Variants in DNHD1 observed in about 807,000 individuals in gnomAD.
DNHD1 encodes the protein dynein heavy chain domain 1, also known as dynein heavy chain domain-containing protein 1.
In DNHD1, 383 loss-of-function variants were observed where a neutral mutation model predicts 458.1. The ratio of observed to expected loss-of-function variants is 0.84; its 90% CI spans 0.77 to 0.91. The LOEUF (loss-of-function observed/expected upper bound fraction) is 0.91, where lower values mean the gene tolerates loss of function less well. DNHD1 is among the 40% of genes least tolerant of loss of function. The pLI, the probability that DNHD1 is intolerant of heterozygous loss-of-function variation, is 0.00. For missense variants in DNHD1, 5,336 were observed against 5,866.1 expected, an observed-to-expected ratio of 0.91 and a Z score of 2.95; for synonymous variants, 2,203 against 2,376.9, an observed-to-expected ratio of 0.93 and a Z score of 2.13.
At chr11:6,540,230 A>C (rs1292807340) in intron 18 of DNHD1, 147 bp downstream of exon 18, 4 of 689,326 alleles carry the variant, frequency 5.8e-6, no homozygotes, top group Non-Finnish European at 4.8e-6. Context: ...GTTCTGAGAC[A>C]GTGTCTTCCA....
intron 29 of DNHD1, 101 bp downstream of exon 29, chr11:6,563,232 A>C: frequency 6.5e-7 from 1 of 1,533,504 alleles, no homozygotes. Flanking sequence ...TCATCATGGA[A>C]TCTCCTGGGG....
intron 4 of DNHD1, among the ~76,000 whole-genome samples, chr11:6,507,764 A>G (rs59547189): frequency 0.075 from 11,386 of 152,252 alleles, 1,002 homozygotes; most frequent in African/African-American, 0.21. Flanking sequence ...TAAATCCTGT[A>G]TTCTTCCCTT....
At position 6,570,301 on chromosome 11, in the gene DNHD1, T is replaced by G; in HGVS notation, c.13010T>G (p.Ile4337Ser). ...LGDTEDREAL[I>S]SLTQACLSPS... ...GACACTGAGGACAGGGAGGCCCTGA[T>G]TAGCCTCACACAAGCCTGCCTGAGC... Residue 4337 changes from isoleucine to serine, a missense_variant, in exon 41 of 43, where the codon ATT (isoleucine) becomes AGT (serine). Ile to Ser is a moderately radical substitution (Grantham distance 142, BLOSUM62 -2). Transcript: ENST00000254579. 2 of 1,613,648 alleles carry G rather than the reference T, an allele frequency of 1.2e-6. No homozygotes were observed. The highest frequency in any genetic ancestry group is 1.1e-5 in the South Asian group (1 of 91,038).
Position 6,547,945 on chromosome 11 carries a change from T to A in DNHD1, c.6810T>A (p.Ser2270Arg). The A allele has an allele frequency of 3.9e-6, 6 of 1,551,880 alleles. No homozygotes were observed. Among genetic ancestry groups the A allele is most frequent in the Non-Finnish European group, 5.2e-6 (6 of 1,147,036 alleles). ...SSFLNRSQVD[S>R]DDVPDKCREH... ...TTCTAAACCGGTCCCAGGTTGACAG[T>A]GACGATGTGCCAGATAAGTGCAGGG... Residue 2270 changes from serine to arginine, a missense_variant, in exon 22 of 43, where the codon AGT becomes AGA. Ser to Arg is a moderately radical substitution (Grantham distance 110). Around this residue, in one of 4 missense-constraint regions of DNHD1, gnomAD observed 3,932 missense variants for 4,365.6 expected, o/e 0.90. Coordinates refer to ENST00000254579, the MANE Select transcript of DNHD1 (RefSeq NM_144666.3).
chr11:6,506,730 C>T (rs1166917206), intron 4 of DNHD1, among the ~76,000 whole-genome samples: 1 of 152,170 alleles, frequency 6.6e-6, no homozygotes, highest in Non-Finnish European at 1.5e-5. Context: ...TCCTTCTCCC[C>T]TGGCACCGCC....
At chr11:6,510,655 C>T (rs1248307689) in intron 6 of DNHD1, among the ~76,000 whole-genome samples, 1 of 152,154 alleles carries the variant, frequency 6.6e-6, no homozygotes, top group Non-Finnish European at 1.5e-5. Flanking sequence ...AGATTTAATT[C>T]TGTAATGAGA....
At chr11:6,500,981 T>C (rs1852121618) in intron 3 of DNHD1, among the ~76,000 whole-genome samples, 1 of 149,734 alleles carries the variant, frequency 6.7e-6, no homozygotes, top group Non-Finnish European at 1.5e-5. Context: ...GGAGTGTAGT[T>C]AGGGGGAAAG....
At chr11:6,567,924 C>T in intron 36 of DNHD1, 64 bp downstream of exon 36, 1 of 1,493,716 alleles carries the variant, frequency 6.7e-7, no homozygotes, top group Non-Finnish European at 8.9e-7. Context: ...ATGGGGGACC[C>T]CCTCCAAGCA....
At chr11:6,524,310 A>T (rs1284819095) in intron 10 of DNHD1, among the ~76,000 whole-genome samples, 1 of 152,190 alleles carries the variant, frequency 6.6e-6, no homozygotes, top group Non-Finnish European at 1.5e-5. Context: ...TGAAAGTAGA[A>T]TATCAGGAAG....
At position 6,566,959 on chromosome 11, in the gene DNHD1, G is replaced by A. The variant is rs370710063; in HGVS notation, c.11450G>A (p.Arg3817Gln). Residue 3817 changes from arginine to glutamine, a missense_variant, in exon 36 of 43, where the codon CGG becomes CAG. This residue lies in a region of DNHD1 where 695 missense variants were observed against 804.2 expected (regional missense o/e 0.86). Coordinates refer to ENST00000254579, the MANE Select transcript of DNHD1 (RefSeq NM_144666.3). The stretch of plus-strand genomic sequence containing the variant: ...CGTCAGAAGCCAGCCAAGTTTCTGC[G>A]GAACATAGTGAGGGCCCAAGGAAAG... Reference protein sequence around the residue: ...PKRQKPAKFLRNIVRAQGKLC... With the variant: ...PKRQKPAKFLQNIVRAQGKLC... 2.4e-5 allele frequency: 39 copies of A among 1,613,820 alleles called. No homozygotes were observed. Among genetic ancestry groups the A allele is most frequent in the African/African-American group, 1.6e-4 (12 of 74,920 alleles).
In DNHD1 at chr11:6,501,320, TAGAG is replaced by T. The variant is rs941599825; in HGVS notation, c.747-1429_747-1426del. Among the ~76,000 whole-genome samples, 22 of 148,658 alleles carry T rather than the reference TAGAG, an allele frequency of 1.5e-4. 1 individual carries two copies. Among genetic ancestry groups the T allele is most frequent in the East Asian group, 7.9e-4 (4 of 5,076 alleles). On this transcript the variant is annotated intron_variant, in intron 3 of 42. Coordinates refer to ENST00000254579, the MANE Select transcript of DNHD1 (RefSeq NM_144666.3). Reference sequence around the variant, plus strand: ...GTAGGGATTTTTTTTTTTTTTTTGATAGAGAGATGTTTATATCCCTTAACACAGT... The same window carrying T: ...GTAGGGATTTTTTTTTTTTTTTTGATAGATGTTTATATCCCTTAACACAGT...
At chr11:6,502,458 C>T (rs1329792162) in intron 3 of DNHD1, among the ~76,000 whole-genome samples, 1 of 152,200 alleles carries the variant, frequency 6.6e-6, no homozygotes, top group Non-Finnish European at 1.5e-5. Flanking sequence ...GTAATACTGA[C>T]TTCATGGTAA....
intron 7 of DNHD1, among the ~76,000 whole-genome samples, chr11:6,518,716 G>A (rs1374584856): frequency 1.3e-5 from 2 of 152,308 alleles, no homozygotes; most frequent in African/African-American, 4.8e-5. Flanking sequence ...GTATTAGGGA[G>A]TATTGTTAGA....
At chr11:6,498,987 T>C (rs759660506) in intron 3 of DNHD1, 26 bp downstream of exon 3, 1 of 1,548,398 alleles carries the variant, frequency 6.5e-7, no homozygotes, top group South Asian at 1.3e-5. Context: ...AGTCTAGGGC[T>C]TGAGCAGAGG....
chr11:6,564,236 C>G (rs1275746001), intron 31 of DNHD1, 97 bp from the exon 32 acceptor site: 4 of 1,451,558 alleles, frequency 2.8e-6, no homozygotes, highest in Non-Finnish European at 3.7e-6. Context: ...CCTTGCCGTA[C>G]TTTCCTCCAC....
rs902443804 is a variant in DNHD1, at chr11:6,533,965, A to T, written c.2790A>T (p.Arg930=). The part of the protein sequence containing the change: ...SQASEFLLSK[R]HAIMPKLQQL... ...CTTCAGAGTTCCTGCTCAGCAAGCG[A>T]CATGCCATTATGCCCAAGCTGCAGC... Residue 930 remains arginine, a synonymous_variant, in exon 14 of 43, where the codon CGA becomes CGT. Coordinates refer to ENST00000254579, the MANE Select transcript of DNHD1 (RefSeq NM_144666.3). The T allele has an allele frequency of 1.3e-6, 2 of 1,551,358 alleles. No individual in the cohort carries two copies. Among genetic ancestry groups the T allele is most frequent in the African/African-American group, 2.7e-5 (2 of 72,968 alleles).
intron 7 of DNHD1, among the ~76,000 whole-genome samples, chr11:6,512,387 A>AT (rs556395304): frequency 9.9e-5 from 15 of 150,824 alleles, no homozygotes; most frequent in East Asian, 9.8e-4. Context: ...TGCCCGGCTA[A>AT]TTTTTTTTGT....
At chr11:6,502,948 C>A in intron 4 of DNHD1, 22 bp downstream of exon 4, 1 of 1,606,976 alleles carries the variant, frequency 6.2e-7, no homozygotes, top group Non-Finnish European at 8.5e-7. Flanking sequence ...TGTCCAGGCC[C>A]CTTCTCCTCC....
chr11:6,570,057 G>A lies in DNHD1; in HGVS notation c.12912G>A (p.Trp4304Ter). The A allele has an allele frequency of 1.2e-6, 2 of 1,613,906 alleles. No individual in the cohort carries two copies. The highest frequency in any genetic ancestry group is 1.1e-5 in the South Asian group (1 of 91,076). Residue 4304 changes from tryptophan to a stop codon, truncating the protein, a stop_gained, in exon 40 of 43, where the codon TGG (tryptophan) becomes TGA (stop). Transcript: ENST00000254579. LOFTEE classifies it high-confidence loss of function. ...TTCTTCAGACCCAAGACCAGCTGTG[G>A]GCAAGTCTTAGCAATCCCCGTGCTG... ...TQVLQTQDQL[W>*]ASLSNPRAAM...
Sources: gnomAD v4.1 joint callset for allele counts (sites outside exome capture counted in the v4.1 genomes callset) on GRCh38, gnomAD v4.1.1 for gene constraint, gnomAD v4.1.1 regional missense constraint, MANE v1.5 for transcripts, NCBI Gene and HGNC (gene_info 2026-07-23, HGNC 2026-07-21) for gene names.